FOXP1: variants seen among roughly 807,000 people sequenced by gnomAD.
The protein encoded by FOXP1 is forkhead box protein P1.
FOXP1 carries 15 observed loss-of-function variants against 98.2 expected under a neutral mutation model. The observed-to-expected ratio is 0.15, with a 90% CI of 0.10 to 0.24. The LOEUF (loss-of-function observed/expected upper bound fraction) is 0.24. Ranked by LOEUF, FOXP1 falls within the 10% of genes least tolerant of loss-of-function variation. FOXP1 has a pLI of 1.00. For synonymous variants in FOXP1, 371 were observed against 314.5 expected, an observed-to-expected ratio of 1.18 and a Z score of -1.90; for missense variants, 633 against 848.5, an observed-to-expected ratio of 0.75 and a Z score of 3.15.
chr3:71,456,499 C>T (rs11720980), intron 3 of FOXP1, among the ~76,000 whole-genome samples: 1 of 151,904 alleles, frequency 6.6e-6, no homozygotes, highest in Non-Finnish European at 1.5e-5. Context: ...ATTTGTTTTA[C>T]ATGTTCCCCT....
intron 5 of FOXP1, among the ~76,000 whole-genome samples, chr3:71,240,812 T>G (rs2067212092): frequency 6.6e-6 from 1 of 151,388 alleles, no homozygotes; most frequent in Non-Finnish European, 1.5e-5. Context: ...CCCAAAGTAC[T>G]GGGATTACAG....
intron 9 of FOXP1, among the ~76,000 whole-genome samples, chr3:71,049,323 C>T (rs182595204): frequency 2.6e-5 from 4 of 152,172 alleles, no homozygotes; most frequent in Admixed American, 2.6e-4. Context: ...CTCACCCGCA[C>T]AGGATGGAAT....
intron 4 of FOXP1, among the ~76,000 whole-genome samples, chr3:71,313,354 C>T (rs2074840140): frequency 6.6e-6 from 1 of 151,762 alleles, no homozygotes; most frequent in South Asian, 2.1e-4. Context: ...CCACTGCGCC[C>T]GGCCAAGCTA....
chr3:71,106,566 C>A (rs1220561782), intron 7 of FOXP1, among the ~76,000 whole-genome samples: 1 of 151,746 alleles, frequency 6.6e-6, no homozygotes, highest in African/African-American at 2.4e-5. Context: ...CCTTGTGATC[C>A]GCTCGCCTTG....
intron 3 of FOXP1, among the ~76,000 whole-genome samples, chr3:71,391,448 T>C (rs947063150): frequency 1.3e-5 from 2 of 152,224 alleles, no homozygotes; most frequent in African/African-American, 4.8e-5. Flanking sequence ...TCCAAAATGA[T>C]TGATGTGATG....
At chr3:71,545,041 C>G (rs1404143592) in intron 2 of FOXP1, among the ~76,000 whole-genome samples, 3 of 152,090 alleles carry the variant, frequency 2.0e-5, no homozygotes, top group African/African-American at 7.2e-5. Context: ...CGCTTGCAGT[C>G]TGTTAAAAGG....
intron 3 of FOXP1, among the ~76,000 whole-genome samples, chr3:71,486,438 C>T (rs2090654679): frequency 6.6e-6 from 1 of 152,102 alleles, no homozygotes; most frequent in Admixed American, 6.6e-5. Flanking sequence ...AATCCAAAAG[C>T]CACCATCAGA....
chr3:71,180,661 C>T (rs2108277938), intron 6 of FOXP1, among the ~76,000 whole-genome samples: 1 of 152,176 alleles, frequency 6.6e-6, no homozygotes, highest in African/African-American at 2.4e-5. Context: ...TCAGCAAAAT[C>T]CAATCCCCGC....
chr3:71,544,857 T>C (rs1029970512), intron 2 of FOXP1, among the ~76,000 whole-genome samples: 40 of 151,498 alleles, frequency 2.6e-4, no homozygotes, highest in Non-Finnish European at 5.5e-4. Flanking sequence ...GCTTTTTTTT[T>C]CCAGATTCAG....
intron 3 of FOXP1, among the ~76,000 whole-genome samples, chr3:71,468,694 A>C (rs1577680083): frequency 6.6e-6 from 1 of 151,622 alleles, no homozygotes; most frequent in African/African-American, 2.4e-5. Context: ...CCAAATCCCT[A>C]CCCTTTCCTT....
In FOXP1 at chr3:71,401,092, T is replaced by G. The variant is rs563707029; in HGVS notation, c.-167-41848A>C. 3.3e-5 allele frequency among the ~76,000 whole-genome samples: 5 copies of G among 152,338 alleles called. No individual in the cohort carries two copies. The East Asian group carries it at 9.6e-4, about 29-fold the overall frequency. On this transcript the variant is annotated intron_variant, in intron 3 of 20. Coordinates refer to ENST00000649528, the MANE Select transcript of FOXP1 (RefSeq NM_001349338.3). ...CAAAAAACTTTGACATTTAAAATTTTATTTTTTCTAAGAAAAGCTTATCTG... is the reference window on the plus strand; with the variant it reads ...CAAAAAACTTTGACATTTAAAATTTGATTTTTTCTAAGAAAAGCTTATCTG...
At chr3:70,971,321 G>T in intron 18 of FOXP1, 1 of 175,994 alleles carries the variant, frequency 5.7e-6, no homozygotes, top group South Asian at 1.3e-4. Flanking sequence ...GGAGAGTAGG[G>T]TATGCCAGGG....
chr3:71,174,819 C>CACACACACACAT (rs1553767982), intron 6 of FOXP1, among the ~76,000 whole-genome samples: 2 of 151,184 alleles, frequency 1.3e-5, no homozygotes, highest in African/African-American at 4.9e-5. Flanking sequence ...CACACACACA[C>CACACACACACAT]ACACACACCC....
Position 71,435,842 on chromosome 3 carries a change from AGGGACGGAGGGAGGGAGG to A in FOXP1, c.-168+57566_-168+57583del, listed in dbSNP as rs1176160612. Among the ~76,000 whole-genome samples the A allele has an allele frequency of 6.4e-3, 237 of 37,036 alleles. 12 individuals are homozygous for A. The highest frequency in any genetic ancestry group is 9.9e-3 in the Non-Finnish European group (164 of 16,516). 24.3% of individuals were successfully genotyped at this position (37,036 alleles called of 152,430 possible). A position where few individuals can be genotyped will look rare whatever the true frequency, so the allele number is the denominator to read the frequency against. On this transcript the variant is annotated intron_variant, in intron 3 of 20. Transcript: ENST00000649528. Reference sequence around the variant, plus strand: ...GAGGAAGGGACGGAGGGAGGGAGGAAGGGACGGAGGGAGGGAGGAAGGGACGGAGGGAGGGAGGAAGGG... The same window carrying A: ...GAGGAAGGGACGGAGGGAGGGAGGAAAAGGGACGGAGGGAGGGAGGAAGGG...
At chr3:71,066,091 CAAAAAAAA>C (rs34279433) in intron 7 of FOXP1, among the ~76,000 whole-genome samples, 7 of 104,998 alleles carry the variant, frequency 6.7e-5, no homozygotes, top group South Asian at 3.0e-4. Flanking sequence ...TATTTGCCTT[CAAAAAAAA>C]AAAAAAAAAA....
chr3:71,374,170 G>A (rs1405042262), intron 3 of FOXP1, among the ~76,000 whole-genome samples: 3 of 152,194 alleles, frequency 2.0e-5, no homozygotes, highest in Admixed American at 6.5e-5. Flanking sequence ...TTTCTAGAAC[G>A]TGTTCTCAGC....
intron 3 of FOXP1, among the ~76,000 whole-genome samples, chr3:71,466,033 G>A (rs771727440): frequency 1.3e-5 from 2 of 152,096 alleles, no homozygotes. Flanking sequence ...ACAAGTCCCC[G>A]GTGCCAAAAA....
chr3:71,472,712 T>C (rs1047600842), intron 3 of FOXP1, among the ~76,000 whole-genome samples: 1 of 152,226 alleles, frequency 6.6e-6, no homozygotes, highest in Non-Finnish European at 1.5e-5. Context: ...TTAACTATTC[T>C]AGTCCATAAG....
intron 3 of FOXP1, among the ~76,000 whole-genome samples, chr3:71,479,356 G>C (rs1169704816): frequency 6.6e-6 from 1 of 152,190 alleles, no homozygotes; most frequent in Non-Finnish European, 1.5e-5. Flanking sequence ...GTTTCCAAAT[G>C]ATGGAGATAG....
Sources: gnomAD v4.1 joint callset for allele counts (sites outside exome capture counted in the v4.1 genomes callset) on GRCh38, gnomAD v4.1.1 for gene constraint, MANE v1.5 for transcripts, NCBI Gene and HGNC (gene_info 2026-07-23, HGNC 2026-07-21) for gene names.